Variants in CELF2 observed in about 807,000 individuals in gnomAD.
CELF2 encodes CUG triplet repeat RNA-binding protein 2.
Under a neutral mutation model 62.6 loss-of-function variants are expected in CELF2, and 8 were observed. The observed-to-expected ratio is 0.13, with a 90% CI of 0.07 to 0.23. The LOEUF is 0.23. Among genes scored for constraint, CELF2 ranks in the 10% least tolerant of loss-of-function variants. The pLI, the probability that CELF2 is intolerant of heterozygous loss-of-function variation, is 1.00. For synonymous variants in CELF2, 258 were observed against 250.0 expected (o/e 1.03, Z -0.30); for missense variants, 333 against 671.0 (o/e 0.50, Z 5.56).
At chr10:10,656,862 A>G in the CELF2 span, among the ~76,000 whole-genome samples, 3 of 151,496 alleles carry the variant, frequency 2.0e-5, no homozygotes, top group African/African-American at 7.3e-5. Flanking sequence ...CCTAAAACTT[A>G]AAGTATAATT....
the CELF2 span, among the ~76,000 whole-genome samples, chr10:10,616,225 A>G: frequency 6.6e-6 from 1 of 152,034 alleles, no homozygotes; most frequent in Non-Finnish European, 1.5e-5. Flanking sequence ...GATTACAGCT[A>G]CCACAAATAA....
intron 1 of CELF2, among the ~76,000 whole-genome samples, chr10:10,896,225 C>T (rs183597647): frequency 2.5e-3 from 383 of 152,242 alleles, no homozygotes; most frequent in Middle Eastern, 0.01. Flanking sequence ...GACAGGAACA[C>T]CTCAAGATCC....
chr10:11,015,338 T>C (rs983130745), upstream of CELF2, among the ~76,000 whole-genome samples: 8 of 152,204 alleles, frequency 5.3e-5, no homozygotes, highest in African/African-American at 1.9e-4. This position sits in a 1 kb window ranked among gnomAD's most constrained non-coding sequence, Gnocchi z 4.8. Context: ...CTTTTGTGTA[T>C]GTGCTGTGAT....
rs74658367 is a variant in CELF2 at position 11,220,206 on chromosome 10, G to T, written c.354+2699G>T. Reference sequence around the variant, plus strand: ...TTTTTCTAAAGTGTCCAAAACTTTCGATTTAAAACAAGATCAAATAATGCT... The same window carrying T: ...TTTTTCTAAAGTGTCCAAAACTTTCTATTTAAAACAAGATCAAATAATGCT... On this transcript the variant is annotated intron_variant, in intron 3 of 12. Transcript: ENST00000633077. The surrounding 1 kb of genome is among the most constrained non-coding windows in gnomAD (Gnocchi z 4.4). 1.6e-4 allele frequency among the ~76,000 whole-genome samples: 24 copies of T among 152,162 alleles called. 1 individual carries two copies. Among genetic ancestry groups the T allele is most frequent in the Non-Finnish European group, 2.1e-4 (14 of 68,006 alleles).
chr10:10,919,595 A>G (rs2064688425), intron 1 of CELF2, among the ~76,000 whole-genome samples: 1 of 152,214 alleles, frequency 6.6e-6, no homozygotes, highest in African/African-American at 2.4e-5. Context: ...TCTTGGAGAA[A>G]GATCATTGGT....
At chr10:10,520,087 C>A in the CELF2 span, among the ~76,000 whole-genome samples, 2 of 152,152 alleles carry the variant, frequency 1.3e-5, no homozygotes, top group Non-Finnish European at 2.9e-5. Flanking sequence ...ATGTACCCAG[C>A]CAGATAGTAG....
At chr10:11,007,745 G>A (rs2055547867) in intron 1 of CELF2, among the ~76,000 whole-genome samples, 1 of 152,156 alleles carries the variant, frequency 6.6e-6, no homozygotes, top group Admixed American at 6.5e-5. Context: ...CCAAAACAAA[G>A]GTTGCAAGTC....
the CELF2 span, among the ~76,000 whole-genome samples, chr10:10,767,968 C>G: frequency 5.3e-3 from 612 of 115,422 alleles, 33 homozygotes; most frequent in African/African-American, 0.021. Flanking sequence ...TGCACTCCAG[C>G]CTGGGCGACA....
At chr10:10,577,563 C>T in the CELF2 span, among the ~76,000 whole-genome samples, 4 of 150,546 alleles carry the variant, frequency 2.7e-5, no homozygotes, top group East Asian at 2.0e-4. Flanking sequence ...CCTGTGTCCA[C>T]GTGTTCTCAT....
intron 2 of CELF2, among the ~76,000 whole-genome samples, chr10:11,195,709 G>A (rs1588789184): frequency 6.6e-6 from 1 of 152,202 alleles, no homozygotes; most frequent in Non-Finnish European, 1.5e-5. Flanking sequence ...AAGGAGAGTT[G>A]CAGCCACTAA....
chr10:10,654,026 TA>T, the CELF2 span, among the ~76,000 whole-genome samples: 6 of 150,736 alleles, frequency 4.0e-5, no homozygotes, highest in South Asian at 1.3e-3. Context: ...TAAAAAATGA[TA>T]AAGGGGATAT....
chr10:11,319,380 C>G lies in CELF2; in HGVS notation c.1097-1809C>G, dbSNP rs577059526. Among the ~76,000 whole-genome samples, 1 of 152,228 alleles carries G rather than the reference C, an allele frequency of 6.6e-6. No individual in the cohort carries two copies. Among genetic ancestry groups the G allele is most frequent in the African/African-American group, 2.4e-5 (1 of 41,548 alleles). On this transcript the variant is annotated intron_variant, in intron 10 of 12. Coordinates refer to ENST00000633077, the MANE Select transcript of CELF2 (RefSeq NM_001326342.2). This position sits in a 1 kb window ranked among gnomAD's most constrained non-coding sequence, Gnocchi z 4.4. ...CTGGAGGAATAGAGAAATGACTCTC[C>G]AGCCCTCTGGTGGCCATAGTAACAG...
At chr10:10,491,431 G>T in the CELF2 span, among the ~76,000 whole-genome samples, 4 of 152,080 alleles carry the variant, frequency 2.6e-5, no homozygotes, top group Non-Finnish European at 5.9e-5. Flanking sequence ...CTTGCTCTTT[G>T]GTATCTTCAG....
intron 1 of CELF2, among the ~76,000 whole-genome samples, chr10:11,066,066 G>C (rs948452158): frequency 6.6e-6 from 1 of 152,116 alleles, no homozygotes; most frequent in East Asian, 1.9e-4. Flanking sequence ...GAGGGCGTAG[G>C]GAGGAGGAAA....
intron 1 of CELF2, among the ~76,000 whole-genome samples, chr10:10,823,175 T>C (rs1008513759): frequency 6.6e-6 from 1 of 152,248 alleles, no homozygotes; most frequent in Non-Finnish European, 1.5e-5. Context: ...TTTATGTGCA[T>C]AGAAAGAAAC....
chr10:11,074,925 A>G (rs186049430), intron 1 of CELF2: 131 of 152,354 alleles, frequency 8.6e-4, no homozygotes, highest in African/African-American at 2.7e-3. Context: ...AAATTAGTCA[A>G]AAGTTCACTT....
chr10:10,496,241 G>T, the CELF2 span, among the ~76,000 whole-genome samples: 1 of 152,176 alleles, frequency 6.6e-6, no homozygotes, highest in East Asian at 1.9e-4. Context: ...TCTATGACAA[G>T]TTACTTCATT....
At position 11,039,750 on chromosome 10, in the gene CELF2, T is replaced by C. The variant is rs1429781911; in HGVS notation, c.74+21587T>C. 6.6e-6 allele frequency among the ~76,000 whole-genome samples: 1 copy of C among 152,226 alleles called. No homozygotes were observed. ...GGCTAGTTTCATTTAGGAAAAAAGA[T>C]AATTATATATCTATTACGTCTTACA... On this transcript the variant is annotated intron_variant, in intron 1 of 12. Coordinates refer to ENST00000633077, the MANE Select transcript of CELF2 (RefSeq NM_001326342.2). The surrounding 1 kb of genome is among the most constrained non-coding windows in gnomAD (Gnocchi z 4.1).
At chr10:10,681,416 C>A in the CELF2 span, among the ~76,000 whole-genome samples, 1 of 151,992 alleles carries the variant, frequency 6.6e-6, no homozygotes, top group East Asian at 1.9e-4. Context: ...TCTAAAAGGG[C>A]CAGGTTGTAA....
Sources: allele counts gnomAD v4.1 joint callset (sites outside exome capture counted in the v4.1 genomes callset), GRCh38; gene constraint gnomAD v4.1.1; non-coding constraint Gnocchi (gnomAD v3.1); transcripts MANE v1.5; gene names NCBI Gene and HGNC (gene_info 2026-07-23, HGNC 2026-07-21).